The following POLD4 variants were observed in gnomAD, a reference collection of about 807,000 sequenced individuals.
POLD4 encodes DNA polymerase delta 4, accessory subunit, also known as DNA polymerase delta subunit 4.
Under a neutral mutation model 16.5 loss-of-function variants are expected in POLD4, and 9 were observed. That is an observed-to-expected ratio of 0.55 (90% CI 0.33 to 0.95). The LOEUF is 0.95. Among genes scored for constraint, POLD4 ranks in the 40% least tolerant of loss-of-function variants. The probability of loss-of-function intolerance (pLI) is 0.03; values close to 1 mark genes in which losing one functional copy is unlikely to be tolerated. For synonymous variants in POLD4, 62 were observed against 57.6 expected (o/e 1.08, Z -0.35); for missense variants, 129 against 139.7 (o/e 0.92, Z 0.39).
In POLD4 at chr11:67,352,012, G is replaced by A; in HGVS notation, c.307C>T (p.His103Tyr). ...GDPRFQCSLWHLYPL is the reference protein window; with the variant it reads ...GDPRFQCSLWYLYPL ...GTGGTGCCTCATAGGGGATAGAGAT[G>A]CCAGAGACTGTGGAAGATGGGGTGG... Residue 103 changes from histidine (H) to tyrosine (Y), a missense_variant, in exon 4 of 4, where the codon CAT becomes TAT. Coordinates refer to ENST00000312419, the MANE Select transcript of POLD4 (RefSeq NM_021173.5). 1.0e-6 allele frequency: 1 copy of A among 969,028 alleles called. No individual in the cohort carries two copies. The highest frequency in any genetic ancestry group is 1.5e-6 in the Non-Finnish European group (1 of 678,314). The allele number at this position is 969,028 out of a possible 1,614,324, so 60.0% of individuals were successfully genotyped here.
chr11:67,352,125 C>A, intron 3 of POLD4, 106 bp from the exon 4 acceptor site: 1 of 947,808 alleles, frequency 1.1e-6, no homozygotes, highest in Non-Finnish European at 1.6e-6. Flanking sequence ...TTATTCTTGG[C>A]CATGCCCATA....
intron 2 of POLD4, 92 bp from the exon 3 acceptor site, chr11:67,352,894 G>T: frequency 7.3e-7 from 1 of 1,378,132 alleles, no homozygotes; most frequent in East Asian, 2.4e-5. Context: ...GACAGTTCCT[G>T]AGGGTCAGAG....
At chr11:67,352,934 C>T in intron 2 of POLD4, 54 bp downstream of exon 2, 8 of 1,475,258 alleles carry the variant, frequency 5.4e-6, no homozygotes, top group South Asian at 1.3e-5. Flanking sequence ...ACTTCAGAGA[C>T]GTGTGGGTGA....
In POLD4 at chr11:67,353,326, T is replaced by C; in HGVS notation, c.74A>G (p.Lys25Arg). 2 of 1,612,364 alleles carry C rather than the reference T, an allele frequency of 1.2e-6. No homozygotes were observed. Among genetic ancestry groups the C allele is most frequent in the East Asian group, 2.2e-5 (1 of 44,874 alleles). The stretch of plus-strand genomic sequence containing the variant: ...ACCTAGCTCGGGTGCCAGCTCCCCC[T>C]TGCTGTGCCCAGCGGGCCCCTCCCT... ...KRREGPAGHS[K>R]GELAPELGEE... Residue 25 changes from lysine to arginine, a missense_variant, in exon 1 of 4, where the codon AAG becomes AGG. Lys to Arg is a conservative substitution (Grantham distance 26). Coordinates refer to ENST00000312419, the MANE Select transcript of POLD4 (RefSeq NM_021173.5).
Position 67,352,605 on chromosome 11 carries a change from A to C in POLD4, c.299+86T>G, listed in dbSNP as rs1007618030. ...AGCAAGGCCTTCCAACCCTCCATCCATTTCTCCCTCAGGTCAGGACAGCAG... is the reference window on the plus strand; with the variant it reads ...AGCAAGGCCTTCCAACCCTCCATCCCTTTCTCCCTCAGGTCAGGACAGCAG... On this transcript the variant is annotated intron_variant, in intron 3 of 3. Coordinates refer to ENST00000312419, the MANE Select transcript of POLD4 (RefSeq NM_021173.5). The C allele has an allele frequency of 7.9e-6, 8 of 1,018,838 alleles. No homozygotes were observed. In the Middle Eastern group the frequency reaches 1.3e-3, roughly 162 times the overall value. The allele number at this position is 1,018,838 out of a possible 1,614,324, so 63.1% of individuals were successfully genotyped here.
chr11:67,352,941 G>C, intron 2 of POLD4, 47 bp downstream of exon 2: 3 of 1,489,812 alleles, frequency 2.0e-6, no homozygotes, highest in Non-Finnish European at 2.7e-6. Flanking sequence ...AGACGTGTGG[G>C]TGACTGGCTG....
chr11:67,353,098 C>T (rs1311082422), intron 1 of POLD4, 21 bp from the exon 2 acceptor site: 2 of 1,569,630 alleles, frequency 1.3e-6, no homozygotes, highest in South Asian at 2.3e-5. Flanking sequence ...AGCTGCTCTT[C>T]AGTACGAGGT....
intron 3 of POLD4, chr11:67,352,293 G>C (rs1674308941): frequency 4.9e-6 from 2 of 407,340 alleles, no homozygotes; most frequent in South Asian, 5.8e-5. Flanking sequence ...GTGGGATCAC[G>C]AGGTCAGGAG....
chr11:67,352,754 T>A lies in POLD4; in HGVS notation c.236A>T (p.Glu79Val), dbSNP rs774791582. The change falls in exon 3 of 4, where the codon GAG becomes GTG. Residue 79 changes from glutamate (E) to valine (V), a missense_variant. Glu to Val is a moderately radical substitution (Grantham distance 121, BLOSUM62 -2). Coordinates refer to ENST00000312419, the MANE Select transcript of POLD4 (RefSeq NM_021173.5). ...CACCTGCCACACCTCTGGGGGAGGCTCCAAGCCCATCTGCTTGGCCCGACA... is the reference window on the plus strand; with the variant it reads ...CACCTGCCACACCTCTGGGGGAGGCACCAAGCCCATCTGCTTGGCCCGACA... ...RWCRAKQMGLEPPPEVWQVLK... is the reference protein window; with the variant it reads ...RWCRAKQMGLVPPPEVWQVLK... The A allele has an allele frequency of 6.2e-7, 1 of 1,612,162 alleles. No homozygotes were observed. The highest frequency in any genetic ancestry group is 1.7e-5 in the Admixed American group (1 of 59,778).
chr11:67,352,035 TGGGA>T lies in POLD4; in HGVS notation c.300-20_300-17del. On this transcript the variant is annotated splice_polypyrimidine_tract_variant and intron_variant, in intron 3 of 3. Transcript: ENST00000312419. Reference sequence around the variant, plus strand: ...ATGCCAGAGACTGTGGAAGATGGGGTGGGAGGGAGGGATACCCCAGAGAGAGAGA... The same window carrying T: ...ATGCCAGAGACTGTGGAAGATGGGGTGGGAGGGATACCCCAGAGAGAGAGA... The T allele has an allele frequency of 2.3e-4, 45 of 192,108 alleles. No individual in the cohort carries two copies. The highest frequency in any genetic ancestry group is 4.3e-4 in the Non-Finnish European group (40 of 94,044). 11.9% of individuals were successfully genotyped at this position (192,108 alleles called of 1,614,324 possible).
At position 67,353,095 on chromosome 11, in the gene POLD4, C is replaced by G. The variant is rs751610453; in HGVS notation, c.98-18G>C. The G allele has an allele frequency of 3.8e-6, 6 of 1,571,662 alleles. No homozygotes were observed. The highest frequency in any genetic ancestry group is 5.2e-6 in the Non-Finnish European group (6 of 1,158,710). On this transcript the variant is annotated intron_variant, in intron 1 of 3. Coordinates refer to ENST00000312419, the MANE Select transcript of POLD4 (RefSeq NM_021173.5). ...CTCCTCCCCTGCAATGACAGCTGCT[C>G]TTCAGTACGAGGTTGGCTTCAGTCT...
intron 1 of POLD4, 35 bp downstream of exon 1, chr11:67,353,268 G>A: frequency 6.3e-7 from 1 of 1,595,590 alleles, no homozygotes; most frequent in Non-Finnish European, 8.5e-7. Flanking sequence ...GCCCCTCCGT[G>A]TCCACTCCTC....
rs531618182 is a variant in POLD4 at position 67,353,340 on chromosome 11, G to A, written c.60C>T (p.Pro20=). 1.9e-6 allele frequency: 3 copies of A among 1,612,440 alleles called. No individual in the cohort carries two copies. Among genetic ancestry groups the A allele is most frequent in the South Asian group, 1.1e-5 (1 of 91,076 alleles). ...SYPVVKRREG[P]AGHSKGELAP... is the part of the protein sequence containing the mutation. Reference sequence around the variant, plus strand: ...CCAGCTCCCCCTTGCTGTGCCCAGCGGGCCCCTCCCTCCTCTTCACAACCG... The same window carrying A: ...CCAGCTCCCCCTTGCTGTGCCCAGCAGGCCCCTCCCTCCTCTTCACAACCG... The change falls in exon 1 of 4, where the codon CCC becomes CCT. Residue 20 remains proline (P), a synonymous_variant. Transcript: ENST00000312419.
At chr11:67,352,520 A>T (rs1408482168) in intron 3 of POLD4, 171 bp downstream of exon 3, 2 of 559,464 alleles carry the variant, frequency 3.6e-6, no homozygotes, top group Admixed American at 3.3e-5. Context: ...AAAAAAAAAG[A>T]ATTATTATAG....
chr11:67,353,187 T>G, intron 1 of POLD4, 110 bp from the exon 2 acceptor site: 1 of 1,500,904 alleles, frequency 6.7e-7, no homozygotes, highest in South Asian at 1.2e-5. Context: ...CTAGACCTGG[T>G]GTCGGGAGGG....
In POLD4 at chr11:67,351,897, C is replaced by G. The variant is rs1044911490; in HGVS notation, c.*98G>C. ...TGCCTGCCAAGGGTTCCTCCGCAGC[C>G]GGGCTGAGCTGAGCAGGAGCAATGG... On this transcript the variant is annotated 3_prime_UTR_variant, in exon 4 of 4. Transcript: ENST00000312419. This position sits in a 1 kb window ranked among gnomAD's most constrained non-coding sequence, Gnocchi z 4.8. 7.4e-7 allele frequency: 1 copy of G among 1,356,474 alleles called. No individual in the cohort carries two copies. 84.0% of individuals were successfully genotyped at this position (1,356,474 alleles called of 1,614,324 possible).
upstream of POLD4, chr11:67,353,596 G>A: frequency 1.7e-6 from 1 of 581,550 alleles, no homozygotes; most frequent in Non-Finnish European, 3.0e-6. Context: ...CCAAAAGCAC[G>A]CAAACAGGAA....
upstream of POLD4, chr11:67,353,564 G>A (rs772941735): frequency 1.8e-5 from 11 of 608,582 alleles, no homozygotes; most frequent in Non-Finnish European, 3.1e-5. Flanking sequence ...CCGGGGTCCA[G>A]GGAGGGACGC....
In POLD4 at chr11:67,353,486, A is replaced by C. The variant is rs1052655247; in HGVS notation, c.-87T>G. The C allele has an allele frequency of 4.2e-6, 5 of 1,192,922 alleles. No individual in the cohort carries two copies. The East Asian group carries it at 9.8e-5, about 23-fold the overall frequency. The allele number at this position is 1,192,922 out of a possible 1,614,324, so 73.9% of individuals were successfully genotyped here. A position where few individuals can be genotyped will look rare whatever the true frequency, so the allele number is the denominator to read the frequency against. ...GGGCGCGAGAAAGACAGCTGCTGAG[A>C]GAGACAGACGGGGCCAGGCCAGCGG... is the stretch of plus-strand genomic sequence containing the variant. On this transcript the variant is annotated 5_prime_UTR_variant, in exon 1 of 4. Transcript: ENST00000312419.
Sources: allele counts gnomAD v4.1 joint callset, GRCh38; gene constraint gnomAD v4.1.1; non-coding constraint Gnocchi (gnomAD v3.1); transcripts MANE v1.5; gene names NCBI Gene and HGNC (gene_info 2026-07-23, HGNC 2026-07-21).